The following ASB4 variants were observed in gnomAD, a reference collection of about 807,000 sequenced individuals.
ASB4 encodes the protein ankyrin repeat and SOCS box protein 4.
Under a neutral mutation model 38.6 loss-of-function variants are expected in ASB4, and 35 were observed. That is an observed-to-expected ratio of 0.91 (90% confidence interval 0.69 to 1.20). ASB4 has a LOEUF of 1.20. ASB4 is among the 50% of genes most tolerant of loss of function. The pLI is 0.00. For missense variants in ASB4, 557 were observed against 527.2 expected (o/e 1.06, Z -0.55); for synonymous variants, 195 against 201.3 (o/e 0.97, Z 0.26).
upstream of ASB4, among the ~76,000 whole-genome samples, chr7:95,485,261 G>A (rs1790072483): frequency 6.6e-6 from 1 of 152,058 alleles, no homozygotes; most frequent in Admixed American, 6.5e-5. Flanking sequence ...CCACAATACT[G>A]TCTTTTCTAG....
intron 3 of ASB4, chr7:95,528,745 A>G (rs966420681): frequency 1.0e-6 from 1 of 988,644 alleles, no homozygotes; most frequent in Admixed American, 5.1e-5. Context: ...GCTAACGTTT[A>G]TTAAGTACTA....
At chr7:95,500,241 G>C (rs937814531) in intron 2 of ASB4, among the ~76,000 whole-genome samples, 1 of 152,012 alleles carries the variant, frequency 6.6e-6, no homozygotes, top group Non-Finnish European at 1.5e-5. Context: ...AAACTTACTA[G>C]AGAAATGTAG....
Position 95,528,209 on chromosome 7 carries a change from T to C in ASB4, c.884T>C (p.Val295Ala). 6.2e-7 allele frequency: 1 copy of C among 1,614,162 alleles called. No individual in the cohort carries two copies. The highest frequency in any genetic ancestry group is 1.1e-5 in the South Asian group (1 of 91,086). Residue 295 changes from valine to alanine, a missense_variant, in exon 3 of 5, where the codon GTC (valine) becomes GCC (alanine). Transcript: ENST00000325885. ...GCTGCCATCCAGTACGTGCTGAAGG[T>C]CACCTCCGTGCGCCCTGCTGCCCAG... The part of the protein sequence containing the change: ...GCAAIQYVLK[V>A]TSVRPAAQPE...
chr7:95,536,033 T>TAATTCTTC (rs1418302559), intron 3 of ASB4, among the ~76,000 whole-genome samples: 9 of 152,228 alleles, frequency 5.9e-5, no homozygotes, highest in African/African-American at 2.2e-4. Flanking sequence ...AAAGGCAAAG[T>TAATTCTTC]AATTCTTCAA....
upstream of ASB4, among the ~76,000 whole-genome samples, chr7:95,477,807 T>A (rs908206825): frequency 6.6e-6 from 1 of 152,090 alleles, no homozygotes; most frequent in African/African-American, 2.4e-5. Flanking sequence ...GCAAGAGTGT[T>A]GTTTCTCTTT....
At chr7:95,515,169 CTTT>C (rs1790540465) in intron 2 of ASB4, among the ~76,000 whole-genome samples, 1 of 56,252 alleles carries the variant, frequency 1.8e-5, no homozygotes, top group African/African-American at 7.0e-5. Flanking sequence ...TTCTCTTTCT[CTTT>C]CTTTCTTTCT....
rs780009942 is a variant in ASB4 at position 95,537,754 on chromosome 7, T to C, written c.1276T>C (p.Tyr426His). ...YLLLEPEGII[Y>H] ...GCTTTTAGAGCCAGAGGGAATTATTTATTAAGCCTTATGAGACAGCAGTTC... is the reference window on the plus strand; with the variant it reads ...GCTTTTAGAGCCAGAGGGAATTATTCATTAAGCCTTATGAGACAGCAGTTC... The change falls in exon 5 of 5, where the codon TAT becomes CAT. Residue 426 changes from tyrosine to histidine, a missense_variant. Tyr to His is a moderately conservative substitution (Grantham distance 83). Transcript: ENST00000325885. 1 of 1,613,142 alleles carries C rather than the reference T, an allele frequency of 6.2e-7. No individual in the cohort carries two copies. Among genetic ancestry groups the C allele is most frequent in the South Asian group, 1.1e-5 (1 of 90,980 alleles).
chr7:95,485,685 T>C (rs1429161925), upstream of ASB4, among the ~76,000 whole-genome samples: 1 of 152,194 alleles, frequency 6.6e-6, no homozygotes, highest in Non-Finnish European at 1.5e-5. Context: ...AAGAAATAAT[T>C]GTGACATTTC....
At chr7:95,494,017 C>T (rs1169744786) in intron 1 of ASB4, among the ~76,000 whole-genome samples, 2 of 152,152 alleles carry the variant, frequency 1.3e-5, no homozygotes, top group Non-Finnish European at 2.9e-5. Flanking sequence ...ATTCCTAAGT[C>T]CAGGAGCACA....
chr7:95,497,481 T>C (rs1306627233), intron 2 of ASB4, among the ~76,000 whole-genome samples: 1 of 152,202 alleles, frequency 6.6e-6, no homozygotes, highest in Non-Finnish European at 1.5e-5. Context: ...CAGATAGTGA[T>C]GCCATTTTTT....
upstream of ASB4, among the ~76,000 whole-genome samples, chr7:95,481,639 T>A (rs1230125132): frequency 6.6e-6 from 1 of 152,196 alleles, no homozygotes; most frequent in African/African-American, 2.4e-5. Flanking sequence ...AATGCCATGA[T>A]AAACCAAGGA....
upstream of ASB4, among the ~76,000 whole-genome samples, chr7:95,484,133 G>A (rs1373925064): frequency 1.3e-5 from 2 of 151,754 alleles, no homozygotes; most frequent in African/African-American, 4.8e-5. Context: ...TCGGAGATCA[G>A]CCGGGGGAAC....
chr7:95,471,246 T>C, the ASB4 span, among the ~76,000 whole-genome samples: 1 of 152,188 alleles, frequency 6.6e-6, no homozygotes, highest in Non-Finnish European at 1.5e-5. Context: ...GCTTGCCCCA[T>C]GGAAAACAGA....
chr7:95,481,913 G>A (rs754019007), upstream of ASB4, among the ~76,000 whole-genome samples: 13 of 152,178 alleles, frequency 8.5e-5, no homozygotes, highest in Non-Finnish European at 1.6e-4. Context: ...AAGAGCTGAG[G>A]AGACAGGAAT....
At chr7:95,520,778 G>A (rs1357075973) in intron 2 of ASB4, among the ~76,000 whole-genome samples, 2 of 151,958 alleles carry the variant, frequency 1.3e-5, no homozygotes, top group East Asian at 3.9e-4. Flanking sequence ...GCTTTCTGTA[G>A]GTAGGTCTGT....
chr7:95,516,369 A>G (rs953949817), intron 2 of ASB4, among the ~76,000 whole-genome samples: 7 of 152,190 alleles, frequency 4.6e-5, no homozygotes, highest in Non-Finnish European at 1.0e-4. Flanking sequence ...ATAAAAAATA[A>G]AATAAATACA....
At chr7:95,526,145 A>G (rs1042331858) in intron 2 of ASB4, among the ~76,000 whole-genome samples, 1 of 152,218 alleles carries the variant, frequency 6.6e-6, no homozygotes, top group African/African-American at 2.4e-5. Context: ...ATGAGGTGGA[A>G]TAGAACAGTG....
intron 2 of ASB4, among the ~76,000 whole-genome samples, chr7:95,512,070 T>C (rs1424642575): frequency 6.6e-6 from 1 of 152,224 alleles, no homozygotes; most frequent in Non-Finnish European, 1.5e-5. Flanking sequence ...CAGCCCCTGA[T>C]GAAGGGGAAG....
At chr7:95,547,513 T>A in the ASB4 span, among the ~76,000 whole-genome samples, 1 of 152,246 alleles carries the variant, frequency 6.6e-6, no homozygotes, top group East Asian at 1.9e-4. Context: ...ATCCTGTGAA[T>A]ATACCAAAAT....
Sources: gnomAD v4.1 joint callset for allele counts (sites outside exome capture counted in the v4.1 genomes callset) on GRCh38, gnomAD v4.1.1 for gene constraint, MANE v1.5 for transcripts, NCBI Gene and HGNC (gene_info 2026-07-23, HGNC 2026-07-21) for gene names.